The following PHF20 variants were observed in gnomAD, a reference collection of about 807,000 sequenced individuals.
PHF20 encodes glioma-expressed antigen 2.
PHF20 carries 23 observed loss-of-function variants against 113.5 expected under a neutral mutation model. That is an observed-to-expected ratio of 0.20 (90% CI 0.15 to 0.29). The LOEUF (loss-of-function observed/expected upper bound fraction) is 0.29. Ranked by LOEUF, PHF20 falls within the 10% of genes least tolerant of loss-of-function variation. PHF20 has a pLI of 1.00. For synonymous variants in PHF20, 434 were observed against 457.3 expected (o/e 0.95, Z 0.65); for missense variants, 943 against 1,219.6 (o/e 0.77, Z 3.38).
At chr20:35,924,208 T>G (rs1249107785) in intron 13 of PHF20, among the ~76,000 whole-genome samples, 10 of 150,516 alleles carry the variant, frequency 6.6e-5, no homozygotes, top group Non-Finnish European at 1.5e-4. Context: ...TTTTTTTTTT[T>G]GCGATGGAGT....
chr20:35,850,879 G>A (rs1461477482), intron 4 of PHF20: 2 of 991,402 alleles, frequency 2.0e-6, no homozygotes, highest in Non-Finnish European at 3.1e-6. Flanking sequence ...CTTCGAACTT[G>A]GAGATGACTG....
At chr20:35,860,443 T>C (rs2054199924) in intron 5 of PHF20, among the ~76,000 whole-genome samples, 1 of 151,990 alleles carries the variant, frequency 6.6e-6, no homozygotes, top group African/African-American at 2.4e-5. Flanking sequence ...GGTTTCACCA[T>C]GTTGGCCAGG....
At chr20:35,942,818 G>GCTTT (rs967827343) in intron 17 of PHF20, among the ~76,000 whole-genome samples, 1 of 151,994 alleles carries the variant, frequency 6.6e-6, no homozygotes, top group East Asian at 1.9e-4. Flanking sequence ...GATAAACTAA[G>GCTTT]CTTTCTTTCT....
chr20:35,828,379 G>A (rs1226903728), intron 2 of PHF20, among the ~76,000 whole-genome samples: 4 of 152,040 alleles, frequency 2.6e-5, no homozygotes, highest in Non-Finnish European at 4.4e-5. Context: ...GTGGGAATTC[G>A]GAAGGAAATT....
At chr20:35,830,472 T>C (rs758592383) in intron 2 of PHF20, among the ~76,000 whole-genome samples, 6 of 152,244 alleles carry the variant, frequency 3.9e-5, no homozygotes, top group Non-Finnish European at 5.9e-5. Flanking sequence ...TTCCATTGTA[T>C]GGATATACCA....
intron 1 of PHF20, among the ~76,000 whole-genome samples, chr20:35,772,659 C>G (rs2041086473): frequency 1.3e-5 from 2 of 151,958 alleles, no homozygotes; most frequent in Non-Finnish European, 2.9e-5. Context: ...AAGCCCTCCC[C>G]CCCCCAAATT....
chr20:35,871,085 T>C lies in PHF20; in HGVS notation c.1053T>C (p.Asp351=), dbSNP rs2146989635. 3.1e-6 allele frequency: 5 copies of C among 1,613,274 alleles called. No individual in the cohort carries two copies. Among genetic ancestry groups the C allele is most frequent in the East Asian group, 2.2e-5 (1 of 44,852 alleles). Residue 351 remains aspartate, a synonymous_variant, in exon 8 of 18, where the codon GAT becomes GAC. Transcript: ENST00000374012. ...DPDLVVSDLV[D]TDPLQDTLSS... Reference sequence around the variant, plus strand: ...ACTTGGTTGTATCAGATTTGGTTGATACGGATCCTTTGCAAGACACGTTGT... The same window carrying C: ...ACTTGGTTGTATCAGATTTGGTTGACACGGATCCTTTGCAAGACACGTTGT...
At chr20:35,858,476 A>G in intron 5 of PHF20, 95 bp downstream of exon 5, 1 of 644,656 alleles carries the variant, frequency 1.6e-6, no homozygotes, top group South Asian at 2.3e-5. Context: ...TTATGATAGC[A>G]AGTGTTTATT....
intron 2 of PHF20, among the ~76,000 whole-genome samples, chr20:35,830,012 C>T (rs1372700351): frequency 6.6e-6 from 1 of 151,896 alleles, no homozygotes; most frequent in Non-Finnish European, 1.5e-5. Context: ...CTCCTGGGTT[C>T]AAGCAGTTCT....
chr20:35,932,308 A>T (rs1328358531), intron 15 of PHF20, among the ~76,000 whole-genome samples: 2 of 151,378 alleles, frequency 1.3e-5, no homozygotes, highest in Non-Finnish European at 2.9e-5. Flanking sequence ...ACCTCAAGTG[A>T]TCCACCCACC....
chr20:35,852,723 C>T (rs1057216418), intron 4 of PHF20, among the ~76,000 whole-genome samples: 5 of 151,676 alleles, frequency 3.3e-5, no homozygotes, highest in African/African-American at 4.8e-5. Context: ...GTCAGCCTCC[C>T]GAGTAGCTGG....
intron 12 of PHF20, among the ~76,000 whole-genome samples, chr20:35,915,674 C>T (rs1202547960): frequency 5.9e-5 from 9 of 152,078 alleles, no homozygotes; most frequent in African/African-American, 2.4e-5. Context: ...CATGAGCCAC[C>T]GTGCCTGGAC....
At chr20:35,829,128 T>C (rs1342012429) in intron 2 of PHF20, among the ~76,000 whole-genome samples, 3 of 152,154 alleles carry the variant, frequency 2.0e-5, no homozygotes, top group Admixed American at 1.3e-4. Context: ...ACATCTAGAA[T>C]GTTCTCACGA....
chr20:35,838,033 A>T (rs1424025698), intron 2 of PHF20, among the ~76,000 whole-genome samples: 1 of 152,124 alleles, frequency 6.6e-6, no homozygotes, highest in African/African-American at 2.4e-5. Context: ...AGAGAGTTGG[A>T]TATGTGTGCC....
chr20:35,856,047 TACTC>T (rs1350528421), intron 4 of PHF20, among the ~76,000 whole-genome samples: 1 of 152,126 alleles, frequency 6.6e-6, no homozygotes, highest in African/African-American at 2.4e-5. Flanking sequence ...TACTAGATCT[TACTC>T]ATTCTTTCTA....
intron 15 of PHF20, 36 bp from the exon 16 acceptor site, chr20:35,938,661 A>G: frequency 6.5e-7 from 1 of 1,549,380 alleles, no homozygotes; most frequent in Non-Finnish European, 8.7e-7. Context: ...GGTGCCAGTT[A>G]CTCCAAAGCC....
Position 35,863,120 on chromosome 20 carries a change from G to A in PHF20, c.528G>A (p.Val176=). Residue 176 remains valine, a synonymous_variant, in exon 6 of 18, where the codon GTG becomes GTA. Transcript: ENST00000374012. ...FKEQRKATVN[V]KKDKEDKPLK... ...AACAGAGAAAAGCAACAGTGAATGTGAAGAAAGACAAAGAAGATAAACCCT... is the reference window on the plus strand; with the variant it reads ...AACAGAGAAAAGCAACAGTGAATGTAAAGAAAGACAAAGAAGATAAACCCT... The A allele has an allele frequency of 6.2e-6, 10 of 1,613,530 alleles. No homozygotes were observed. Among genetic ancestry groups the A allele is most frequent in the Non-Finnish European group, 8.5e-6 (10 of 1,179,870 alleles).
chr20:35,941,815 G>C (rs908359514), intron 17 of PHF20, among the ~76,000 whole-genome samples: 1 of 152,196 alleles, frequency 6.6e-6, no homozygotes, highest in Non-Finnish European at 1.5e-5. Flanking sequence ...ATGCCATGAG[G>C]TGTGGCCGGG....
chr20:35,940,786 G>T (rs1240685952), intron 16 of PHF20, 78 bp from the exon 17 acceptor site: 4 of 1,191,258 alleles, frequency 3.4e-6, no homozygotes, highest in Non-Finnish European at 4.8e-6. Context: ...TATTTCAGGT[G>T]GCTGGAAATG....
Sources: gnomAD v4.1 joint callset for allele counts (sites outside exome capture counted in the v4.1 genomes callset) on GRCh38, gnomAD v4.1.1 for gene constraint, MANE v1.5 for transcripts, NCBI Gene and HGNC (gene_info 2026-07-23, HGNC 2026-07-21) for gene names.